ACTR8: variants seen among roughly 807,000 people sequenced by gnomAD.
ACTR8 encodes actin related protein 8, also known as actin-related protein 8.
In ACTR8, 70 loss-of-function variants were observed where a neutral mutation model predicts 84.3. The ratio of observed to expected loss-of-function variants is 0.83; its 90% CI spans 0.68 to 1.01. The LOEUF (loss-of-function observed/expected upper bound fraction) is 1.01, where lower values mean the gene tolerates loss of function less well. Ranked by LOEUF, ACTR8 falls within the 50% of genes least tolerant of loss-of-function variation. The pLI is 0.00. For missense variants in ACTR8, 672 were observed against 775.4 expected, an observed-to-expected ratio of 0.87 and a Z score of 1.58; for synonymous variants, 268 against 275.2, an observed-to-expected ratio of 0.97 and a Z score of 0.26.
At chr3:53,861,409 C>T in the ACTR8 span, 1 of 151,856 alleles carries the variant, frequency 6.6e-6, no homozygotes, top group African/African-American at 2.4e-5. Flanking sequence ...AGCGTAAGGA[C>T]CATAGTCAAA....
At position 53,875,704 on chromosome 3, in the gene ACTR8, C is replaced by A. The variant is rs893367; in HGVS notation, c.911+244G>T. 0.57 allele frequency among the ~76,000 whole-genome samples: 85,996 copies of A among 152,134 alleles called. 25,998 individuals carry two copies. Among genetic ancestry groups the A allele is most frequent in the East Asian group, 0.95 (4,920 of 5,184 alleles). ...CCCTATGGGAAAGCGCATAAAACAT[C>A]CCAGGACTTTCAGGGGCTGCTGATG... On this transcript the variant is annotated intron_variant, in intron 7 of 12. Coordinates refer to ENST00000335754, the MANE Select transcript of ACTR8 (RefSeq NM_022899.5).
downstream of ACTR8, chr3:53,866,928 A>G (rs147653123): frequency 7.9e-5 from 12 of 152,378 alleles, no homozygotes; most frequent in East Asian, 1.2e-3. Context: ...TAAAATGTGT[A>G]TATTTGCAGA....
chr3:53,868,744 C>A lies in ACTR8; in HGVS notation c.1850G>T (p.Arg617Leu). 1.2e-6 allele frequency: 2 copies of A among 1,614,192 alleles called. No individual in the cohort carries two copies. The highest frequency in any genetic ancestry group is 2.2e-5 in the South Asian group (2 of 91,074). The change falls in exon 13 of 13, where the codon CGA becomes CTA. Residue 617 changes from arginine to leucine, a missense_variant. Physicochemically the swap from Arg to Leu is moderately radical, Grantham distance 102. Coordinates refer to ENST00000335754, the MANE Select transcript of ACTR8 (RefSeq NM_022899.5). ...EWQRFGVRMLRERAAFVW is the reference protein window; with the variant it reads ...EWQRFGVRMLLERAAFVW ...TCACCACACAAACGCAGCCCGCTCT[C>A]GTAACATGCGGACACCAAAGCGCTG...
chr3:53,868,528 C>T lies in ACTR8; in HGVS notation c.*191G>A. ...AAAGTTCCTATTTATTCTCAAATGC[C>T]CTGACTAAACTGCTCAAAAGCAGTT... On this transcript the variant is annotated 3_prime_UTR_variant, in exon 13 of 13. Coordinates refer to ENST00000335754, the MANE Select transcript of ACTR8 (RefSeq NM_022899.5). 1.3e-6 allele frequency: 1 copy of T among 759,398 alleles called. No homozygotes were observed. The highest frequency in any genetic ancestry group is 2.0e-6 in the Non-Finnish European group (1 of 492,526). 47.0% of individuals were successfully genotyped at this position (759,398 alleles called of 1,614,324 possible).
At chr3:53,864,753 C>A (rs760286002), downstream of ACTR8, 1 of 1,605,020 alleles carries the variant, frequency 6.2e-7, no homozygotes, top group South Asian at 1.1e-5. Flanking sequence ...CAGAAAGGAT[C>A]AAGAAGACTT....
chr3:53,860,546 T>C, the ACTR8 span: 7 of 201,180 alleles, frequency 3.5e-5, no homozygotes, highest in Non-Finnish European at 5.0e-5. Context: ...GGTTACTCTA[T>C]GCTAGTTCCT....
intron 2 of ACTR8, among the ~76,000 whole-genome samples, chr3:53,879,024 G>T (rs1700019694): frequency 6.6e-6 from 1 of 152,270 alleles, no homozygotes; most frequent in South Asian, 2.1e-4. Context: ...TATGTTTACA[G>T]TTTTGACAAT....
Position 53,876,652 on chromosome 3 carries a change from A to G in ACTR8, c.746T>C (p.Val249Ala). Residue 249 changes from valine (V) to alanine (A), a missense_variant, in exon 6 of 13, where the codon GTG becomes GCG. Val to Ala is a moderately conservative substitution (Grantham distance 64). Transcript: ENST00000335754. ...ACCCATCTTCATTAGTATCATATTC[A>G]CTAGTTCTTTCACATGCTGCTTATT... is the stretch of plus-strand genomic sequence containing the variant. ...IYNKQHVKEL[V>A]NMILMKMGFS... 1 of 1,576,012 alleles carries G rather than the reference A, an allele frequency of 6.3e-7. No homozygotes were observed.
At chr3:53,865,155 T>A, downstream of ACTR8, 1 of 1,614,184 alleles carries the variant, frequency 6.2e-7, no homozygotes, top group Non-Finnish European at 8.5e-7. Flanking sequence ...GAGAGATTGA[T>A]ACAAAAGACG....
intron 7 of ACTR8, among the ~76,000 whole-genome samples, chr3:53,875,242 G>A (rs1699948305): frequency 6.6e-6 from 1 of 152,182 alleles, no homozygotes; most frequent in Admixed American, 6.5e-5. Flanking sequence ...GGGGCGGGAG[G>A]CAGCAGATGA....
At chr3:53,880,224 T>G in intron 1 of ACTR8, 115 bp from the exon 2 acceptor site, 1 of 1,067,932 alleles carries the variant, frequency 9.4e-7, no homozygotes, top group Non-Finnish European at 1.4e-6. Flanking sequence ...ATCAAAATAA[T>G]TCAATAAAGT....
intron 7 of ACTR8, among the ~76,000 whole-genome samples, chr3:53,874,565 A>C (rs895448500): frequency 5.3e-5 from 8 of 152,120 alleles, no homozygotes; most frequent in Non-Finnish European, 1.2e-4. Flanking sequence ...CTCTACTAAA[A>C]ATACAAAAAT....
chr3:53,865,570 G>A, downstream of ACTR8: 1 of 417,278 alleles, frequency 2.4e-6, no homozygotes, highest in Non-Finnish European at 4.3e-6. Context: ...TTTTGATAAT[G>A]CAACAATAAA....
chr3:53,870,247 A>G lies in ACTR8; in HGVS notation c.1568-102T>C. ...CTTGAGCAAGTGCAATAGCCTTCTCAAAGATTTCCCTCCAGCCCACCCTCC... is the reference window on the plus strand; with the variant it reads ...CTTGAGCAAGTGCAATAGCCTTCTCGAAGATTTCCCTCCAGCCCACCCTCC... On this transcript the variant is annotated intron_variant, in intron 11 of 12. Coordinates refer to ENST00000335754, the MANE Select transcript of ACTR8 (RefSeq NM_022899.5). The surrounding 1 kb of genome is among the most constrained non-coding windows in gnomAD (Gnocchi z 4.1). The G allele has an allele frequency of 7.2e-7, 1 of 1,384,704 alleles. No individual in the cohort carries two copies. The highest frequency in any genetic ancestry group is 9.9e-7 in the Non-Finnish European group (1 of 1,012,266). 85.8% of individuals were successfully genotyped at this position (1,384,704 alleles called of 1,614,324 possible). A position where few individuals can be genotyped will look rare whatever the true frequency, so the allele number is the denominator to read the frequency against.
chr3:53,859,583 T>C, the ACTR8 span: 1 of 152,650 alleles, frequency 6.6e-6, no homozygotes, highest in South Asian at 2.1e-4. Context: ...AAATGTCATC[T>C]ATATGTGCTA....
chr3:53,868,942 A>G (rs1699840401), intron 12 of ACTR8, 80 bp from the exon 13 acceptor site: 1 of 1,526,018 alleles, frequency 6.6e-7, no homozygotes. Flanking sequence ...GGGCCGAGAA[A>G]AATCCCTGCT....
At chr3:53,859,060 G>C in the ACTR8 span, 1 of 410,604 alleles carries the variant, frequency 2.4e-6, no homozygotes, top group Non-Finnish European at 4.4e-6. Context: ...ACACAGAAGG[G>C]AAAAAAATAC....
In ACTR8 at chr3:53,875,992, T is replaced by C. The variant is rs1197679870; in HGVS notation, c.867A>G (p.Thr289=). ...TCIVDVGDQK[T]SVCCVEDGVS... ...CCCCATCCTCCACACAGCATACACTTGTCTTCTGGTCCCCAACGTCTACAA... is the reference window on the plus strand; with the variant it reads ...CCCCATCCTCCACACAGCATACACTCGTCTTCTGGTCCCCAACGTCTACAA... The change falls in exon 7 of 13, where the codon ACA becomes ACG. Residue 289 remains threonine, a synonymous_variant. Coordinates refer to ENST00000335754, the MANE Select transcript of ACTR8 (RefSeq NM_022899.5). The C allele has an allele frequency of 5.6e-6, 9 of 1,614,188 alleles. 1 individual carries two copies. The South Asian group carries it at 8.8e-5, about 16-fold the overall frequency.
downstream of ACTR8, chr3:53,864,795 TA>T (rs1699722006): frequency 6.2e-7 from 1 of 1,613,914 alleles, no homozygotes; most frequent in Non-Finnish European, 8.5e-7. Context: ...TGCCCCCCAT[TA>T]AGGTTCTTGT....
Sources: gnomAD v4.1 joint callset for allele counts (sites outside exome capture counted in the v4.1 genomes callset) on GRCh38, gnomAD v4.1.1 for gene constraint, Gnocchi (gnomAD v3.1) non-coding constraint, MANE v1.5 for transcripts, NCBI Gene and HGNC (gene_info 2026-07-23, HGNC 2026-07-21) for gene names.